The following WWOX variants were observed in gnomAD, a reference collection of about 807,000 sequenced individuals.
WWOX encodes WW domain containing oxidoreductase.
WWOX carries 69 observed loss-of-function variants against 46.2 expected under a neutral mutation model. The ratio of observed to expected loss-of-function variants is 1.49; its 90% CI spans 1.23 to 1.82. The LOEUF (loss-of-function observed/expected upper bound fraction) is 1.82, where lower values mean the gene tolerates loss of function less well. Ranked by LOEUF, WWOX falls within the 40% of genes most tolerant of loss-of-function variation. The pLI is 0.00. For synonymous variants in WWOX, 359 were observed against 202.6 expected (o/e 1.77, Z -6.56); for missense variants, 919 against 542.6 (o/e 1.69, Z -6.89).
chr16:78,435,534 C>T (rs868259718), intron 8 of WWOX, among the ~76,000 whole-genome samples: 1 of 152,176 alleles, frequency 6.6e-6, no homozygotes, highest in Non-Finnish European at 1.5e-5. Flanking sequence ...GTGTGTAGCT[C>T]ATGAGAGGGT....
At chr16:78,432,961 T>A (rs1032474144) in intron 8 of WWOX, among the ~76,000 whole-genome samples, 3 of 152,198 alleles carry the variant, frequency 2.0e-5, no homozygotes, top group African/African-American at 7.2e-5. Context: ...GGGTAGAAGA[T>A]GTGGGTTTCA....
chr16:78,865,472 T>C (rs1033573810), intron 8 of WWOX, among the ~76,000 whole-genome samples: 3 of 152,200 alleles, frequency 2.0e-5, no homozygotes, highest in Non-Finnish European at 2.9e-5. Context: ...TTTGACAATT[T>C]CAAATGCTCC....
At chr16:78,803,437 G>T (rs2050947904) in intron 8 of WWOX, among the ~76,000 whole-genome samples, 1 of 152,016 alleles carries the variant, frequency 6.6e-6, no homozygotes, top group Non-Finnish European at 1.5e-5. Context: ...TATTACGTGG[G>T]TTTCAAAGGT....
intron 8 of WWOX, among the ~76,000 whole-genome samples, chr16:78,581,218 G>C (rs1002562084): frequency 6.6e-6 from 1 of 152,120 alleles, no homozygotes; most frequent in Non-Finnish European, 1.5e-5. Flanking sequence ...ATGGTCCTTT[G>C]AACTAATTGC....
intron 8 of WWOX, among the ~76,000 whole-genome samples, chr16:78,611,896 T>C (rs1253443068): frequency 6.6e-6 from 1 of 152,194 alleles, no homozygotes; most frequent in African/African-American, 2.4e-5. Flanking sequence ...TTCCATTGGC[T>C]GAAGCAAATC....
intron 8 of WWOX, among the ~76,000 whole-genome samples, chr16:78,604,135 G>A (rs1305857459): frequency 6.6e-6 from 1 of 152,048 alleles, no homozygotes; most frequent in East Asian, 1.9e-4. Flanking sequence ...CCGAGACCTT[G>A]TCTAAAAAAT....
chr16:78,630,526 A>C (rs1394969795), intron 8 of WWOX, among the ~76,000 whole-genome samples: 2 of 152,190 alleles, frequency 1.3e-5, no homozygotes, highest in Non-Finnish European at 1.5e-5. Flanking sequence ...TCTGGTAGAC[A>C]ATACTTCATA....
At chr16:79,067,132 A>G (rs1216449653) in intron 8 of WWOX, among the ~76,000 whole-genome samples, 1 of 152,212 alleles carries the variant, frequency 6.6e-6, no homozygotes, top group Non-Finnish European at 1.5e-5. Flanking sequence ...GGCCCTGTCT[A>G]GGGCCTGTCT....
chr16:78,567,472 G>GA (rs962505995), intron 8 of WWOX, among the ~76,000 whole-genome samples: 18 of 142,240 alleles, frequency 1.3e-4, no homozygotes, highest in African/African-American at 4.8e-4. Flanking sequence ...AGAATGTCAT[G>GA]AACCCGGGAG....
chr16:79,052,685 G>A (rs2048191306), intron 8 of WWOX, among the ~76,000 whole-genome samples: 1 of 152,180 alleles, frequency 6.6e-6, no homozygotes, highest in Non-Finnish European at 1.5e-5. Context: ...CACGTGTCAG[G>A]TTATAAATGA....
At chr16:79,058,251 C>G (rs1238065741) in intron 8 of WWOX, among the ~76,000 whole-genome samples, 8 of 151,882 alleles carry the variant, frequency 5.3e-5, no homozygotes, top group Non-Finnish European at 1.0e-4. Flanking sequence ...GGGCAACTTT[C>G]TTTGCATCTC....
chr16:79,012,118 G>A (rs371556664), intron 8 of WWOX, among the ~76,000 whole-genome samples: 5 of 152,290 alleles, frequency 3.3e-5, no homozygotes, highest in Admixed American at 6.5e-5. Flanking sequence ...CTCTCGGCCC[G>A]CGCTGTCCAA....
At chr16:79,050,692 A>G (rs1005031741) in intron 8 of WWOX, among the ~76,000 whole-genome samples, 1 of 152,182 alleles carries the variant, frequency 6.6e-6, no homozygotes, top group African/African-American at 2.4e-5. Context: ...GTTACAATTG[A>G]AAAAATCAAT....
chr16:78,864,789 G>C (rs1197382828), intron 8 of WWOX, among the ~76,000 whole-genome samples: 2 of 106,110 alleles, frequency 1.9e-5, no homozygotes, highest in Non-Finnish European at 3.5e-5. Flanking sequence ...TTTTGAGACA[G>C]TCTCACTCTA....
At chr16:78,782,437 C>T (rs766696352) in intron 8 of WWOX, among the ~76,000 whole-genome samples, 1 of 152,166 alleles carries the variant, frequency 6.6e-6, no homozygotes, top group Non-Finnish European at 1.5e-5. Flanking sequence ...GGCAACGCTA[C>T]CAACATTGGT....
At chr16:78,314,526 G>GTT (rs761012673) in intron 5 of WWOX, among the ~76,000 whole-genome samples, 17 of 132,916 alleles carry the variant, frequency 1.3e-4, no homozygotes, top group African/African-American at 2.5e-4. Context: ...AATTTGTGGG[G>GTT]TTTTTTTTTT....
intron 8 of WWOX, among the ~76,000 whole-genome samples, chr16:78,476,839 T>G (rs908970777): frequency 6.6e-6 from 1 of 152,050 alleles, no homozygotes; most frequent in Non-Finnish European, 1.5e-5. Flanking sequence ...AAAGGTTGTT[T>G]TGTTCGTTTT....
At chr16:78,912,297 C>T (rs1235370136) in intron 8 of WWOX, among the ~76,000 whole-genome samples, 1 of 152,050 alleles carries the variant, frequency 6.6e-6, no homozygotes, top group African/African-American at 2.4e-5. Context: ...GTGCCAGGCA[C>T]TATGCTATGC....
chr16:78,380,790 CA>C (rs1242896466), intron 5 of WWOX, among the ~76,000 whole-genome samples: 12 of 152,068 alleles, frequency 7.9e-5, no homozygotes, highest in African/African-American at 2.7e-4. Context: ...GTAACTTGCC[CA>C]GCCCCAAACC....
Sources: allele counts gnomAD v4.1 joint callset (sites outside exome capture counted in the v4.1 genomes callset), GRCh38; gene constraint gnomAD v4.1.1; transcripts MANE v1.5; gene names NCBI Gene and HGNC (gene_info 2026-07-23, HGNC 2026-07-21).